AP3B1: variants seen among roughly 807,000 people sequenced by gnomAD.
AP3B1 encodes the protein adaptor related protein complex 3 subunit beta 1.
A neutral mutation model predicts 132.5 loss-of-function variants in AP3B1; 61 were observed. The observed-to-expected ratio is 0.46, with a 90% CI of 0.37 to 0.57. AP3B1 has a LOEUF of 0.57. Ranked by LOEUF, AP3B1 falls within the 20% of genes least tolerant of loss-of-function variation. The probability of loss-of-function intolerance (pLI) is 0.00; values close to 1 mark genes in which losing one functional copy is unlikely to be tolerated. For missense variants in AP3B1, 1,120 were observed against 1,289.4 expected (o/e 0.87, Z 2.01); for synonymous variants, 388 against 438.3 (o/e 0.89, Z 1.43).
chr5:78,024,113 G>A (rs1171963927), intron 24 of AP3B1, among the ~76,000 whole-genome samples: 1 of 152,072 alleles, frequency 6.6e-6, no homozygotes, highest in Non-Finnish European at 1.5e-5. Context: ...AAAGGATTGA[G>A]GGTAGGCTAC....
rs746601394 is a variant in AP3B1, at chr5:78,175,632, T to A, written c.1161A>T (p.Thr387=). 17 of 1,612,276 alleles carry A rather than the reference T, an allele frequency of 1.1e-5. No individual in the cohort carries two copies. Among genetic ancestry groups the A allele is most frequent in the Non-Finnish European group, 1.4e-5 (17 of 1,178,648 alleles). Residue 387 remains threonine, a synonymous_variant, in exon 11 of 27, where the codon ACA becomes ACT. Transcript: ENST00000255194. ...VRSTDPTMIK[T]LKLEILTNLA... ...AAAATGAAAGCATACATACCTTCAGTGTCTTGATCATAGTTGGATCAGTTG... is the reference window on the plus strand; with the variant it reads ...AAAATGAAAGCATACATACCTTCAGAGTCTTGATCATAGTTGGATCAGTTG...
chr5:78,291,918 A>G (rs1410518951), intron 1 of AP3B1, among the ~76,000 whole-genome samples: 1 of 152,230 alleles, frequency 6.6e-6, no homozygotes, highest in African/African-American at 2.4e-5. Flanking sequence ...TTTCATTGTA[A>G]AAGAACATGA....
At chr5:78,113,058 A>C (rs369761128) in intron 19 of AP3B1, among the ~76,000 whole-genome samples, 235 of 152,316 alleles carry the variant, frequency 1.5e-3, no homozygotes, top group African/African-American at 5.5e-3. Flanking sequence ...AGGAGCAGAG[A>C]GCGTACTGCG....
chr5:78,057,910 C>G (rs907694736), intron 22 of AP3B1, among the ~76,000 whole-genome samples: 2 of 152,076 alleles, frequency 1.3e-5, no homozygotes, highest in African/African-American at 4.8e-5. Flanking sequence ...ATGTAACTAA[C>G]AAAGTGCTAA....
At position 78,288,075 on chromosome 5, in the gene AP3B1, G is replaced by A. The variant is rs189066625; in HGVS notation, c.128+6377C>T. Among the ~76,000 whole-genome samples, 25 of 152,198 alleles carry A rather than the reference G, an allele frequency of 1.6e-4. No homozygotes were observed. In the East Asian group the frequency reaches 4.2e-3, roughly 26 times the overall value. On this transcript the variant is annotated intron_variant, in intron 1 of 26. Coordinates refer to ENST00000255194, the MANE Select transcript of AP3B1 (RefSeq NM_003664.5). ...TCTTCATGTCATGCTTATGACTCAG[G>A]GCACCAACACTTCAACGTCTCAAAC...
chr5:78,259,378 A>T (rs1233794391), intron 2 of AP3B1, among the ~76,000 whole-genome samples: 4 of 152,220 alleles, frequency 2.6e-5, no homozygotes, highest in Non-Finnish European at 4.4e-5. Context: ...TGAGAAGGGA[A>T]GTGGGGGATA....
rs745547790 is a variant in AP3B1 at position 78,294,620 on chromosome 5, G to C, written c.-41C>G. On this transcript the variant is annotated 5_prime_UTR_variant, in exon 1 of 27. Coordinates refer to ENST00000255194, the MANE Select transcript of AP3B1 (RefSeq NM_003664.5). Reference sequence around the variant, plus strand: ...GGGTGCGGGGTTGGTCCTGCCGGGGGTTCTCTCCAAAAGGTTCCAGTCCAG... The same window carrying C: ...GGGTGCGGGGTTGGTCCTGCCGGGGCTTCTCTCCAAAAGGTTCCAGTCCAG... The C allele has an allele frequency of 6.2e-7, 1 of 1,612,860 alleles. No individual in the cohort carries two copies. The highest frequency in any genetic ancestry group is 8.5e-7 in the Non-Finnish European group (1 of 1,179,932).
chr5:78,067,232 T>C (rs1407336080), intron 22 of AP3B1, among the ~76,000 whole-genome samples: 4 of 152,192 alleles, frequency 2.6e-5, no homozygotes, highest in African/African-American at 9.6e-5. Context: ...AACCTAAATA[T>C]ACACGTACCT....
intron 2 of AP3B1, among the ~76,000 whole-genome samples, chr5:78,265,466 A>G (rs1230732155): frequency 6.6e-6 from 1 of 152,104 alleles, no homozygotes; most frequent in Non-Finnish European, 1.5e-5. Flanking sequence ...AAAAAGGCAA[A>G]GAAAATGAAC....
At chr5:78,030,814 T>A (rs1747545462) in intron 24 of AP3B1, among the ~76,000 whole-genome samples, 1 of 152,088 alleles carries the variant, frequency 6.6e-6, no homozygotes, top group Non-Finnish European at 1.5e-5. Flanking sequence ...GTGGCTAGGA[T>A]GACAAGTGTG....
intron 12 of AP3B1, among the ~76,000 whole-genome samples, chr5:78,163,630 A>G (rs1456589995): frequency 1.4e-5 from 2 of 147,794 alleles, no homozygotes; most frequent in African/African-American, 4.9e-5. Context: ...TATAGTATAT[A>G]TATAGTATAC....
intron 22 of AP3B1, among the ~76,000 whole-genome samples, chr5:78,087,087 G>A (rs2112196815): frequency 6.6e-6 from 1 of 152,220 alleles, no homozygotes; most frequent in East Asian, 1.9e-4. Context: ...TGGTCAAACA[G>A]TTACATATCA....
chr5:78,055,797 A>G (rs1391679000), intron 22 of AP3B1, among the ~76,000 whole-genome samples: 1 of 152,202 alleles, frequency 6.6e-6, no homozygotes, highest in Non-Finnish European at 1.5e-5. Context: ...AGTATCCTTA[A>G]CAAATAACTT....
In AP3B1 at chr5:78,113,910, T is replaced by G. The variant is rs750182003; in HGVS notation, c.2091A>C (p.Gly697=). The G allele has an allele frequency of 6.2e-7, 1 of 1,614,170 alleles. No homozygotes were observed. The highest frequency in any genetic ancestry group is 2.2e-5 in the East Asian group (1 of 44,886). Residue 697 remains glycine, a synonymous_variant, in exon 19 of 27, where the codon GGA becomes GGC. Transcript: ENST00000255194. The part of the protein sequence containing the change: ...DSSSDSESES[G]SESGEQGESG... ...TTTCGCCTTGTTCTCCACTTTCACT[T>G]CCAGATTCACTCTCTGAAAAACAGA...
Position 78,283,340 on chromosome 5 carries a change from T to C in AP3B1, c.128+11112A>G, listed in dbSNP as rs538435440. 2.0e-5 allele frequency among the ~76,000 whole-genome samples: 3 copies of C among 152,368 alleles called. No individual in the cohort carries two copies. In the South Asian group the frequency reaches 6.2e-4, roughly 32 times the overall value. ...ACCACACAATAAACCATTTATCGGC[T>C]GTCTTCCTCCTACGGAAGTAGGAAT... On this transcript the variant is annotated intron_variant, in intron 1 of 26. Coordinates refer to ENST00000255194, the MANE Select transcript of AP3B1 (RefSeq NM_003664.5).
intron 21 of AP3B1, among the ~76,000 whole-genome samples, chr5:78,097,161 G>A (rs1363800447): frequency 3.0e-5 from 4 of 131,864 alleles, no homozygotes; most frequent in Non-Finnish European, 3.2e-5. Context: ...GGTGAGGGGC[G>A]CCTCTGCCCA....
chr5:78,227,599 C>T (rs2112494946), intron 4 of AP3B1, 67 bp from the exon 5 acceptor site: 6 of 1,511,708 alleles, frequency 4.0e-6, no homozygotes, highest in Non-Finnish European at 5.5e-6. Flanking sequence ...ATCTTTCAGA[C>T]ACAGTTAATA....
intron 24 of AP3B1, among the ~76,000 whole-genome samples, chr5:78,025,116 A>C (rs1290172409): frequency 6.6e-6 from 1 of 152,252 alleles, no homozygotes; most frequent in Non-Finnish European, 1.5e-5. Flanking sequence ...TACATACTCA[A>C]AATATTTTTA....
intron 7 of AP3B1, among the ~76,000 whole-genome samples, chr5:78,206,396 T>C (rs1745506170): frequency 6.6e-6 from 1 of 152,154 alleles, no homozygotes. Flanking sequence ...ACATGAATAG[T>C]ATATATCTTA....
Sources: gnomAD v4.1 joint callset for allele counts (sites outside exome capture counted in the v4.1 genomes callset) on GRCh38, gnomAD v4.1.1 for gene constraint, MANE v1.5 for transcripts, NCBI Gene and HGNC (gene_info 2026-07-23, HGNC 2026-07-21) for gene names.